PAFAH2: variants seen among roughly 807,000 people sequenced by gnomAD.
PAFAH2 encodes platelet activating factor acetylhydrolase 2.
Under a neutral mutation model 49.0 loss-of-function variants are expected in PAFAH2, and 42 were observed. That is an observed-to-expected ratio of 0.86 (90% CI 0.67 to 1.11). The LOEUF (loss-of-function observed/expected upper bound fraction) is 1.11, where lower values mean the gene tolerates loss of function less well. Ranked by LOEUF, PAFAH2 falls within the 50% of genes least tolerant of loss-of-function variation. PAFAH2 has a pLI of 0.00. For synonymous variants in PAFAH2, 184 were observed against 181.3 expected, an observed-to-expected ratio of 1.01 and a Z score of -0.12; for missense variants, 503 against 501.8, an observed-to-expected ratio of 1.00 and a Z score of -0.02.
In PAFAH2 at chr1:25,982,393, G is replaced by A; in HGVS notation, c.637C>T (p.Pro213Ser). 6.2e-7 allele frequency: 1 copy of A among 1,613,954 alleles called. No homozygotes were observed. The highest frequency in any genetic ancestry group is 8.5e-7 in the Non-Finnish European group (1 of 1,179,900). ...TAGQTVFNIL[P>S]GGLDLMTLKG... is the part of the protein sequence containing the mutation. ...AAAGTCATCAGATCCAAGCCACCAG[G>A]CAAGATGTTGAAGACAGTCTGCCCA... The change falls in exon 7 of 11, where the codon CCT becomes TCT. Residue 213 changes from proline (P) to serine (S), a missense_variant. Transcript: ENST00000374282.
chr1:25,990,919 T>C (rs1171258445), intron 1 of PAFAH2, 56 bp from the exon 2 acceptor site: 1 of 857,380 alleles, frequency 1.2e-6, no homozygotes, highest in African/African-American at 1.7e-5. Flanking sequence ...CGGCTTCCTG[T>C]TGCTGAAATG....
intron 2 of PAFAH2, among the ~76,000 whole-genome samples, 156 bp downstream of exon 2, chr1:25,990,571 G>A (rs1326597335): frequency 1.3e-5 from 2 of 152,258 alleles, no homozygotes; most frequent in South Asian, 4.2e-4. Flanking sequence ...GGAAGAAAAA[G>A]CTCAGGAAGA....
chr1:25,982,513 T>C, intron 6 of PAFAH2, 36 bp from the exon 7 acceptor site: 2 of 1,444,388 alleles, frequency 1.4e-6, no homozygotes. Flanking sequence ...ACTGGAACAC[T>C]CCACAACTGT....
Position 25,982,421 on chromosome 1 carries a change from A to G in PAFAH2, c.609T>C (p.Thr203=). ...LRVLKILQEV[T]AGQTVFNILP... ...AGATGTTGAAGACAGTCTGCCCAGC[A>G]GTGACCTCTTGCAGGATCTTCAACA... The change falls in exon 7 of 11, where the codon ACT becomes ACC. Residue 203 remains threonine (T), a synonymous_variant. Coordinates refer to ENST00000374282, the MANE Select transcript of PAFAH2 (RefSeq NM_000437.4). The G allele has an allele frequency of 6.2e-7, 1 of 1,614,216 alleles. No individual in the cohort carries two copies. The highest frequency in any genetic ancestry group is 8.5e-7 in the Non-Finnish European group (1 of 1,180,040).
At chr1:25,967,229 G>A (rs1042072825) in intron 10 of PAFAH2, among the ~76,000 whole-genome samples, 4 of 152,100 alleles carry the variant, frequency 2.6e-5, no homozygotes, top group Non-Finnish European at 5.9e-5. Context: ...GACTGGGTAG[G>A]AGGCATGAGA....
At chr1:25,997,983 A>C (rs940451955) in intron 1 of PAFAH2, 42 bp downstream of exon 1, 2 of 152,218 alleles carry the variant, frequency 1.3e-5, no homozygotes, top group African/African-American at 2.4e-5. Context: ...AGTCTGCAGG[A>C]AGCTCAATTG....
Position 25,960,969 on chromosome 1 carries a change from C to T in PAFAH2, c.*1020G>A, listed in dbSNP as rs1225649603. On this transcript the variant is annotated 3_prime_UTR_variant, in exon 11 of 11. Transcript: ENST00000374282. ...TATAGGCGCCTGCCATTACGCCAGG[C>T]TAATTTTTTGTATTTTTAGTAGAGA... 2.0e-5 allele frequency: 3 copies of T among 152,074 alleles called. No homozygotes were observed. The highest frequency in any genetic ancestry group is 7.2e-5 in the African/African-American group (3 of 41,398). 9.4% of individuals were successfully genotyped at this position (152,074 alleles called of 1,614,324 possible). A position where few individuals can be genotyped will look rare whatever the true frequency, so the allele number is the denominator to read the frequency against.
intron 1 of PAFAH2, among the ~76,000 whole-genome samples, chr1:25,992,423 T>C (rs2049889128): frequency 6.6e-6 from 1 of 152,202 alleles, no homozygotes; most frequent in Non-Finnish European, 1.5e-5. Flanking sequence ...CACTCCTGAC[T>C]AGATAACATT....
chr1:25,973,969 G>C (rs1380144467), intron 9 of PAFAH2, among the ~76,000 whole-genome samples: 1 of 152,158 alleles, frequency 6.6e-6, no homozygotes, highest in Non-Finnish European at 1.5e-5. Flanking sequence ...AAAACTAACT[G>C]ATAGTGCTGA....
At chr1:25,964,739 C>T (rs918224318) in intron 10 of PAFAH2, among the ~76,000 whole-genome samples, 3 of 151,906 alleles carry the variant, frequency 2.0e-5, no homozygotes, top group Non-Finnish European at 4.4e-5. Context: ...AAGAGAGCTA[C>T]AAAATACTGA....
chr1:25,974,725 C>G (rs747674822), intron 8 of PAFAH2, 75 bp from the exon 9 acceptor site: 15 of 1,406,048 alleles, frequency 1.1e-5, no homozygotes, highest in Admixed American at 6.1e-5. Context: ...GAGGGAAGGG[C>G]GGAGTTCCTC....
Position 25,984,459 on chromosome 1 carries a change from C to T in PAFAH2, c.410+1G>A, listed in dbSNP as rs758557322. 14 of 1,612,064 alleles carry T rather than the reference C, an allele frequency of 8.7e-6. No individual in the cohort carries two copies. The highest frequency in any genetic ancestry group is 4.0e-5 in the African/African-American group (3 of 74,862). ...CCAATCCATGGCGGCTCATCCCTCA[C>T]CTGTGCTCTGGCACAGCAACCACAA... On this transcript the variant is annotated splice_donor_variant, in intron 5 of 10. Coordinates refer to ENST00000374282, the MANE Select transcript of PAFAH2 (RefSeq NM_000437.4). LOFTEE classifies it high-confidence loss of function.
intron 1 of PAFAH2, among the ~76,000 whole-genome samples, chr1:25,992,016 G>A (rs1337644364): frequency 6.6e-6 from 1 of 152,214 alleles, no homozygotes; most frequent in African/African-American, 2.4e-5. Context: ...CGGAAGCTAA[G>A]TTCTTAACCA....
At chr1:25,977,733 A>G (rs1354142008) in intron 7 of PAFAH2, among the ~76,000 whole-genome samples, 1 of 151,744 alleles carries the variant, frequency 6.6e-6, no homozygotes, top group Middle Eastern at 3.5e-3. Context: ...TCAGTTTATG[A>G]GCATGTTAAG....
Position 25,989,502 on chromosome 1 carries a change from C to CT in PAFAH2, c.189_190insA (p.Glu64ArgfsTer6). 6.2e-7 allele frequency: 1 copy of CT among 1,611,742 alleles called. No individual in the cohort carries two copies. The highest frequency in any genetic ancestry group is 8.5e-7 in the Non-Finnish European group (1 of 1,178,768). On this transcript the variant is annotated frameshift_variant, in exon 3 of 11. Coordinates refer to ENST00000374282, the MANE Select transcript of PAFAH2 (RefSeq NM_000437.4). LOFTEE classifies it high-confidence loss of function. The stretch of plus-strand genomic sequence containing the variant: ...CAGCGCTTATTAAACTGCAGGTACT[C>CT]GGCCAGGCCAGTGCAGTACTCATAG...
At chr1:25,988,203 G>A (rs772499431) in intron 4 of PAFAH2, 28 bp downstream of exon 4, 2 of 1,460,470 alleles carry the variant, frequency 1.4e-6, no homozygotes, top group South Asian at 1.2e-5. Flanking sequence ...AAGGAGTATG[G>A]CAAGGTCTGG....
intron 4 of PAFAH2, among the ~76,000 whole-genome samples, chr1:25,986,311 A>G (rs930788882): frequency 1.3e-5 from 2 of 152,208 alleles, no homozygotes; most frequent in African/African-American, 2.4e-5. Flanking sequence ...AGAAGAGCAG[A>G]ACGGTGAATA....
In PAFAH2 at chr1:25,972,633, G is replaced by C. The variant is rs761499257; in HGVS notation, c.1009C>G (p.Arg337Gly). Reference sequence around the variant, plus strand: ...CCTTCATAGGGGTCCAGGCTCCCACGGGTTTCAGTGGAGAAGAATTTACCA... The same window carrying C: ...CCTTCATAGGGGTCCAGGCTCCCACCGGTTTCAGTGGAGAAGAATTTACCA... Reference protein sequence around the residue: ...LIGKFFSTETRGSLDPYEGQE... With the variant: ...LIGKFFSTETGGSLDPYEGQE... Residue 337 changes from arginine to glycine, a missense_variant, in exon 10 of 11, where the codon CGT (arginine) becomes GGT (glycine). Arg to Gly is a moderately radical substitution (Grantham distance 125). Transcript: ENST00000374282. 5.0e-6 allele frequency: 8 copies of C among 1,613,688 alleles called. No homozygotes were observed. In the African/African-American group the frequency reaches 5.3e-5, roughly 11 times the overall value.
rs755651255 is a variant in PAFAH2 at position 25,974,518 on chromosome 1, T to C, written c.891A>G (p.Ile297Met). The change falls in exon 9 of 11, where the codon ATA (isoleucine) becomes ATG (methionine). Residue 297 changes from isoleucine (I) to methionine (M), a missense_variant. Ile to Met is a conservative substitution (Grantham distance 10). Coordinates refer to ENST00000374282, the MANE Select transcript of PAFAH2 (RefSeq NM_000437.4). The part of the protein sequence containing the change: ...TMESVNLMKK[I>M]CAQHEQSRII... ...TCCTAGACTGTTCATGCTGGGCACA[T>C]ATCTTCTTCATCAAATTGACACTCT... The C allele has an allele frequency of 2.5e-6, 4 of 1,614,158 alleles. No homozygotes were observed. Among genetic ancestry groups the C allele is most frequent in the Middle Eastern group, 1.6e-4 (1 of 6,062 alleles).
Sources: gnomAD v4.1 joint callset for allele counts (sites outside exome capture counted in the v4.1 genomes callset) on GRCh38, gnomAD v4.1.1 for gene constraint, MANE v1.5 for transcripts, NCBI Gene and HGNC (gene_info 2026-07-23, HGNC 2026-07-21) for gene names.